The following SLC36A2 variants were observed in gnomAD, a reference collection of about 807,000 sequenced individuals.
SLC36A2 encodes proton-coupled amino acid transporter 2.
In SLC36A2, 39 loss-of-function variants were observed where a neutral mutation model predicts 42.7. The ratio of observed to expected loss-of-function variants is 0.91; its 90% CI spans 0.71 to 1.19. The LOEUF (loss-of-function observed/expected upper bound fraction) is 1.19, where lower values mean the gene tolerates loss of function less well. Ranked by LOEUF, SLC36A2 falls within the 50% of genes most tolerant of loss-of-function variation. SLC36A2 has a pLI of 0.00. For synonymous variants in SLC36A2, 237 were observed against 240.8 expected, an observed-to-expected ratio of 0.98 and a Z score of 0.15; for missense variants, 590 against 613.7, an observed-to-expected ratio of 0.96 and a Z score of 0.41.
intron 1 of SLC36A2, among the ~76,000 whole-genome samples, chr5:151,346,285 C>G (rs1756495782): frequency 6.6e-6 from 1 of 152,170 alleles, no homozygotes; most frequent in South Asian, 2.1e-4. Context: ...AGGACTAGCC[C>G]TGGGGCGACA....
chr5:151,339,731 T>C (rs779463377), intron 4 of SLC36A2, among the ~76,000 whole-genome samples: 2 of 152,256 alleles, frequency 1.3e-5, no homozygotes, highest in African/African-American at 2.4e-5. Context: ...TTCCTCATCA[T>C]TGATACCAAT....
intron 4 of SLC36A2, 97 bp from the exon 5 acceptor site, chr5:151,339,241 T>G: frequency 1.1e-6 from 1 of 870,310 alleles, no homozygotes; most frequent in Non-Finnish European, 1.9e-6. Flanking sequence ...TCCCAGGGAT[T>G]GGTTGCCCTG....
In SLC36A2 at chr5:151,335,334, T is replaced by TA. The variant is rs775173099; in HGVS notation, c.738dup (p.Thr247TyrfsTer31). 2.9e-5 allele frequency: 47 copies of TA among 1,611,378 alleles called. No individual in the cohort carries two copies. Among genetic ancestry groups the TA allele is most frequent in the Non-Finnish European group, 3.7e-5 (44 of 1,178,826 alleles). On this transcript the variant is annotated frameshift_variant, in exon 6 of 10. Transcript: ENST00000335244. LOFTEE classifies it high-confidence loss of function. ...GGTGCATGGTGTGCACTCACCTGGG[T>TA]AATGTACTGTATGATGATGACCAAG...
intron 4 of SLC36A2, among the ~76,000 whole-genome samples, chr5:151,339,605 C>T (rs1400111466): frequency 2.0e-5 from 3 of 152,302 alleles, no homozygotes. Flanking sequence ...CCACCATGCC[C>T]GGCCAACAAT....
In SLC36A2 at chr5:151,323,765, C is replaced by G. The variant is rs145336230; in HGVS notation, c.1010+1521G>C. ...TGTACATACACTATCTGTTCCTCCCCCATTCCCACCGGATCAGGAGCCGGC... is the reference window on the plus strand; with the variant it reads ...TGTACATACACTATCTGTTCCTCCCGCATTCCCACCGGATCAGGAGCCGGC... On this transcript the variant is annotated intron_variant, in intron 8 of 9. Transcript: ENST00000335244. Among the ~76,000 whole-genome samples, 135 of 152,348 alleles carry G rather than the reference C, an allele frequency of 8.9e-4. 2 individuals carry two copies. The East Asian group carries it at 0.023, about 26-fold the overall frequency.
At chr5:151,317,136 A>G (rs749238591) in intron 9 of SLC36A2, 48 bp from the exon 10 acceptor site, 6 of 1,600,574 alleles carry the variant, frequency 3.7e-6, no homozygotes, top group Non-Finnish European at 5.1e-6. Flanking sequence ...GGCTTAGCCA[A>G]GCTTTGAAAG....
chr5:151,318,851 AT>A (rs1487711547), intron 9 of SLC36A2, among the ~76,000 whole-genome samples: 1 of 152,066 alleles, frequency 6.6e-6, no homozygotes, highest in Non-Finnish European at 1.5e-5. Flanking sequence ...TTGAAATTAT[AT>A]TTTTTTAGCA....
chr5:151,322,106 A>AC lies in SLC36A2; in HGVS notation c.1119dup (p.Ser374ValfsTer151). 6.2e-7 allele frequency: 1 copy of AC among 1,614,154 alleles called. No individual in the cohort carries two copies. The highest frequency in any genetic ancestry group is 8.5e-7 in the Non-Finnish European group (1 of 1,180,026). On this transcript the variant is annotated frameshift_variant, in exon 9 of 10. Coordinates refer to ENST00000335244, the MANE Select transcript of SLC36A2 (RefSeq NM_181776.3). LOFTEE classifies it high-confidence loss of function. ...TCCAGAGGCAGTGCCCAGCGTGTTG[A>AC]CACCCGGGAGATGGCAAAGGGGATG...
intron 9 of SLC36A2, among the ~76,000 whole-genome samples, chr5:151,320,139 T>C (rs77662702): frequency 1.4e-5 from 2 of 146,258 alleles, no homozygotes; most frequent in East Asian, 2.1e-4. Context: ...ATTTTTTTTT[T>C]CCCTGTAGTG....
chr5:151,336,073 C>T (rs1015019381), intron 5 of SLC36A2, among the ~76,000 whole-genome samples: 1 of 152,062 alleles, frequency 6.6e-6, no homozygotes, highest in Admixed American at 6.5e-5. Flanking sequence ...ACTGGATTCG[C>T]AGTGGCTATT....
rs1339099364 is a variant in SLC36A2 at position 151,322,129 on chromosome 5, A to G, written c.1097T>C (p.Ile366Thr). The change falls in exon 9 of 10, where the codon ATC becomes ACC. Residue 366 changes from isoleucine (I) to threonine (T), a missense_variant. Transcript: ENST00000335244. ...LQFYVPAEIIIPFAISRVSTR... is the reference protein window; with the variant it reads ...LQFYVPAEIITPFAISRVSTR... ...TGACACCCGGGAGATGGCAAAGGGG[A>G]TGATGATTTCTGCAGGGACGTAGAA... The G allele has an allele frequency of 1.4e-5, 23 of 1,613,996 alleles. No homozygotes were observed. The highest frequency in any genetic ancestry group is 1.6e-5 in the Non-Finnish European group (19 of 1,180,024).
In SLC36A2 at chr5:151,331,692, A is replaced by C. The variant is rs74696752; in HGVS notation, c.843+1532T>G. ...ACCAGAAAGATAGAGGATAAATTGG[A>C]ATTTATCAAAATCAAAAACTTTTGT... On this transcript the variant is annotated intron_variant, in intron 7 of 9. Transcript: ENST00000335244. 7.6e-3 allele frequency among the ~76,000 whole-genome samples: 1,164 copies of C among 152,216 alleles called. 15 individuals carry two copies. The highest frequency in any genetic ancestry group is 0.027 in the African/African-American group (1,105 of 41,526).
rs775013650 is a variant in SLC36A2 at position 151,343,593 on chromosome 5, G to A, written c.261C>T (p.Gly87=). ...AGCCCATCACCAGCAGACTGAGTGG[G>A]CCCATCTGGAGGAAGGGGAGGCAAG... ...LAVKNAGILM[G]PLSLLVMGFI... Residue 87 remains glycine, a synonymous_variant, in exon 3 of 10, where the codon GGC becomes GGT. Transcript: ENST00000335244. The A allele has an allele frequency of 2.5e-6, 4 of 1,613,982 alleles. No individual in the cohort carries two copies. The South Asian group carries it at 3.3e-5, about 13-fold the overall frequency.
At chr5:151,331,489 A>C (rs1031827681) in intron 7 of SLC36A2, among the ~76,000 whole-genome samples, 1 of 148,058 alleles carries the variant, frequency 6.8e-6, no homozygotes, top group Middle Eastern at 3.4e-3. Context: ...CTAATTAAAA[A>C]ATTTTTTTTT....
chr5:151,340,210 G>T (rs1348995319), intron 4 of SLC36A2, among the ~76,000 whole-genome samples: 1 of 138,398 alleles, frequency 7.2e-6, no homozygotes, highest in Non-Finnish European at 1.5e-5. Context: ...AGGAGAGGAG[G>T]AGGAGGGAGA....
rs150681007 is a variant in SLC36A2 at position 151,339,926 on chromosome 5, G to A, written c.441-782C>T. On this transcript the variant is annotated intron_variant, in intron 4 of 9. Transcript: ENST00000335244. ...AAAATTCTTAGATATAGCATTAAGG[G>A]CCATGGTGAAAAGGGCATTTTATCT... Among the ~76,000 whole-genome samples the A allele has an allele frequency of 5.1e-4, 78 of 152,270 alleles. No homozygotes were observed. In the East Asian group the frequency reaches 0.015, roughly 29 times the overall value.
At chr5:151,342,062 G>A (rs187610392) in intron 4 of SLC36A2, among the ~76,000 whole-genome samples, 1 of 152,268 alleles carries the variant, frequency 6.6e-6, no homozygotes, top group East Asian at 1.9e-4. Context: ...ATTCTCCTTA[G>A]AGAAGCCAGA....
chr5:151,347,200 A>G lies in SLC36A2; in HGVS notation c.164+97T>C, dbSNP rs1187806210. On this transcript the variant is annotated intron_variant, in intron 1 of 9. Coordinates refer to ENST00000335244, the MANE Select transcript of SLC36A2 (RefSeq NM_181776.3). Reference sequence around the variant, plus strand: ...TGCAACCTTGGTTTCTCATCTGCACAGTGGGTTGAGGGTCAGACACACCCA... The same window carrying G: ...TGCAACCTTGGTTTCTCATCTGCACGGTGGGTTGAGGGTCAGACACACCCA... The G allele has an allele frequency of 3.4e-6, 5 of 1,451,954 alleles. No homozygotes were observed. The African/African-American group carries it at 7.0e-5, about 20-fold the overall frequency. 89.9% of individuals were successfully genotyped at this position (1,451,954 alleles called of 1,614,324 possible).
intron 7 of SLC36A2, chr5:151,332,655 GA>G: frequency 4.0e-6 from 1 of 248,860 alleles, no homozygotes; most frequent in Non-Finnish European, 8.0e-6. Context: ...TGACATTTTG[GA>G]AAAGAGAAGA....
Sources: gnomAD v4.1 joint callset for allele counts (sites outside exome capture counted in the v4.1 genomes callset) on GRCh38, gnomAD v4.1.1 for gene constraint, MANE v1.5 for transcripts, NCBI Gene and HGNC (gene_info 2026-07-23, HGNC 2026-07-21) for gene names.